Variants in NFILZ observed in about 807,000 individuals in gnomAD.
NFILZ encodes the protein NFIL3 like basic leucine zipper, also known as NFIL3 like protein.
At chr19:8,641,330 G>A (rs960184172) in intron 3 of NFILZ, among the ~76,000 whole-genome samples, 1 of 152,010 alleles carries the variant, frequency 6.6e-6, no homozygotes. Flanking sequence ...GAGATCACAG[G>A]CGTGAGCCAT....
intron 3 of NFILZ, among the ~76,000 whole-genome samples, chr19:8,673,790 G>A (rs1335805920): frequency 6.6e-6 from 1 of 152,170 alleles, no homozygotes; most frequent in African/African-American, 2.4e-5. Flanking sequence ...CCTTCCAGTA[G>A]CTAGGAGTTC....
At chr19:8,645,672 G>A (rs143411594) in intron 3 of NFILZ, among the ~76,000 whole-genome samples, 1 of 152,312 alleles carries the variant, frequency 6.6e-6, no homozygotes, top group Non-Finnish European at 1.5e-5. Context: ...TGGCCCTAGA[G>A]GGTGTGGGTA....
At chr19:8,669,703 A>G (rs62117962) in intron 3 of NFILZ, among the ~76,000 whole-genome samples, 18,627 of 152,206 alleles carry the variant, frequency 0.12, 1,258 homozygotes, top group African/African-American at 0.15. Flanking sequence ...ACTGGATCCC[A>G]TTGTACCTGG....
intron 3 of NFILZ, among the ~76,000 whole-genome samples, chr19:8,670,490 A>G (rs2043081555): frequency 6.6e-6 from 1 of 152,194 alleles, no homozygotes; most frequent in South Asian, 2.1e-4. Flanking sequence ...TTAAAGAATG[A>G]GTGAAATGTG....
intron 3 of NFILZ, among the ~76,000 whole-genome samples, chr19:8,669,494 TCATTG>T (rs1256971945): frequency 6.6e-6 from 1 of 152,174 alleles, no homozygotes; most frequent in African/African-American, 2.4e-5. Context: ...CCTGCCTATT[TCATTG>T]CATCCTGACA....
chr19:8,652,859 T>C (rs1555747835), intron 3 of NFILZ, among the ~76,000 whole-genome samples: 5 of 150,022 alleles, frequency 3.3e-5, no homozygotes, highest in South Asian at 2.1e-4. Flanking sequence ...TCCTTTTCTT[T>C]CTTTTCTTAC....
intron 3 of NFILZ, among the ~76,000 whole-genome samples, chr19:8,650,725 T>A (rs1483714678): frequency 4.6e-5 from 7 of 151,982 alleles, no homozygotes; most frequent in Admixed American, 4.6e-4. Context: ...ATCAGGACAT[T>A]GATGCTGATA....
intron 3 of NFILZ, among the ~76,000 whole-genome samples, chr19:8,662,619 G>GA (rs2043036947): frequency 6.6e-6 from 1 of 151,698 alleles, no homozygotes; most frequent in Non-Finnish European, 1.5e-5. Flanking sequence ...AAGGATCTTA[G>GA]ATGAAGTTTT....
intron 3 of NFILZ, among the ~76,000 whole-genome samples, chr19:8,656,446 G>A (rs2043001061): frequency 7.2e-5 from 1 of 13,910 alleles, no homozygotes; most frequent in Non-Finnish European, 2.5e-4. Flanking sequence ...CCTTCTCCTC[G>A]AAGCCCACCT....
intron 3 of NFILZ, among the ~76,000 whole-genome samples, chr19:8,651,515 T>C (rs1011434569): frequency 2.0e-5 from 3 of 150,736 alleles, no homozygotes; most frequent in African/African-American, 7.3e-5. Flanking sequence ...GAACACTAGG[T>C]ATTATTTCTT....
At chr19:8,662,949 TC>T (rs1427253407) in intron 3 of NFILZ, among the ~76,000 whole-genome samples, 6 of 149,208 alleles carry the variant, frequency 4.0e-5, no homozygotes, top group African/African-American at 1.5e-4. Flanking sequence ...TTTTTCTTTT[TC>T]CTTTTTTTTT....
chr19:8,631,087 T>G (rs1555745476), intron 1 of NFILZ, among the ~76,000 whole-genome samples: 1 of 152,194 alleles, frequency 6.6e-6, no homozygotes, highest in Non-Finnish European at 1.5e-5. Context: ...ACTTAACTCC[T>G]TTGATATTTT....
At chr19:8,663,752 G>GTGTATGTGTGTA (rs2043047395) in intron 3 of NFILZ, among the ~76,000 whole-genome samples, 7 of 127,748 alleles carry the variant, frequency 5.5e-5, no homozygotes, top group African/African-American at 1.8e-4. Context: ...GTGTGTGTGT[G>GTGTATGTGTGTA]TGTGTGTGTG....
intron 3 of NFILZ, among the ~76,000 whole-genome samples, chr19:8,648,213 G>A (rs1161467084): frequency 6.7e-6 from 1 of 150,128 alleles, no homozygotes; most frequent in Non-Finnish European, 1.5e-5. Flanking sequence ...AGGGAATGCC[G>A]GGCTTAATAC....
chr19:8,658,535 T>A (rs2043015381), intron 3 of NFILZ, among the ~76,000 whole-genome samples: 1 of 151,584 alleles, frequency 6.6e-6, no homozygotes, highest in Non-Finnish European at 1.5e-5. Flanking sequence ...GGGCCGAGAG[T>A]GGGAGGCTGC....
intron 3 of NFILZ, among the ~76,000 whole-genome samples, chr19:8,639,560 C>T (rs1320149579): frequency 2.0e-5 from 3 of 150,202 alleles, no homozygotes; most frequent in Non-Finnish European, 3.0e-5. Flanking sequence ...CACAGCAATA[C>T]AGCCTGGGTC....
At chr19:8,663,770 G>GTA (rs1555674965) in intron 3 of NFILZ, among the ~76,000 whole-genome samples, 1 of 149,020 alleles carries the variant, frequency 6.7e-6, no homozygotes, top group African/African-American at 2.5e-5. Flanking sequence ...GTGTGTGTGT[G>GTA]TATGTATGTG....
At chr19:8,675,256 G>A (rs1555750604) in intron 4 of NFILZ, among the ~76,000 whole-genome samples, 1 of 152,138 alleles carries the variant, frequency 6.6e-6, no homozygotes, top group African/African-American at 2.4e-5. Context: ...TTTTTAGACA[G>A]GCTCCTTCCG....
chr19:8,657,604 G>A (rs1172716483), intron 3 of NFILZ, among the ~76,000 whole-genome samples: 1 of 152,136 alleles, frequency 6.6e-6, no homozygotes, highest in African/African-American at 2.4e-5. Context: ...TGGGATTGTA[G>A]TTAGTGGGTG....
Sources: allele counts gnomAD v4.1 joint callset (sites outside exome capture counted in the v4.1 genomes callset), GRCh38; gene constraint gnomAD v4.1.1; transcripts MANE v1.5; gene names NCBI Gene and HGNC (gene_info 2026-07-23, HGNC 2026-07-21).